The following SNTG1 variants were observed in gnomAD, a reference collection of about 807,000 sequenced individuals.
The protein encoded by SNTG1 is syntrophin gamma 1.
A neutral mutation model predicts 74.7 loss-of-function variants in SNTG1; 39 were observed. The observed-to-expected ratio is 0.52, with a 90% confidence interval of 0.40 to 0.68. The LOEUF (loss-of-function observed/expected upper bound fraction) is 0.68, where lower values mean the gene tolerates loss of function less well. Ranked by LOEUF, SNTG1 falls within the 30% of genes least tolerant of loss-of-function variation. SNTG1 has a pLI of 0.00. For synonymous variants in SNTG1, 254 were observed against 217.1 expected (o/e 1.17, Z -1.49); for missense variants, 685 against 609.5 (o/e 1.12, Z -1.30).
intron 15 of SNTG1, among the ~76,000 whole-genome samples, chr8:50,678,689 T>C (rs888388848): frequency 6.6e-6 from 1 of 152,162 alleles, no homozygotes; most frequent in African/African-American, 2.4e-5. Context: ...ATATTTCCTA[T>C]TAACTCATAT....
At chr8:50,219,749 CA>C (rs978929824) in intron 2 of SNTG1, among the ~76,000 whole-genome samples, 6 of 152,192 alleles carry the variant, frequency 3.9e-5, no homozygotes, top group African/African-American at 1.4e-4. Flanking sequence ...CATCCTCCAA[CA>C]TTGGGGGTTG....
chr8:50,256,625 C>T (rs956828057), intron 2 of SNTG1, among the ~76,000 whole-genome samples: 45 of 151,984 alleles, frequency 3.0e-4, no homozygotes, highest in African/African-American at 1.0e-3. Context: ...TTATATTTAA[C>T]ATGTTTAATA....
chr8:50,530,355 C>A (rs2094256885), intron 10 of SNTG1, 96 bp downstream of exon 10: 2 of 1,142,962 alleles, frequency 1.7e-6, no homozygotes, highest in Admixed American at 4.1e-5. Context: ...GATAGGAAAT[C>A]CCTGGTTGCA....
intron 1 of SNTG1, among the ~76,000 whole-genome samples, chr8:49,991,394 A>G (rs1414615042): frequency 6.6e-6 from 1 of 152,214 alleles, no homozygotes; most frequent in Non-Finnish European, 1.5e-5. Flanking sequence ...CGTTCATTAA[A>G]GTGTTAAACT....
intron 18 of SNTG1, among the ~76,000 whole-genome samples, chr8:50,763,692 G>A (rs1585734495): frequency 1.5e-5 from 2 of 133,226 alleles, no homozygotes; most frequent in South Asian, 4.9e-4. Context: ...GTGTGTGTGT[G>A]GTTTTAAGAG....
intron 8 of SNTG1, among the ~76,000 whole-genome samples, chr8:50,480,664 A>T (rs918730934): frequency 6.6e-6 from 1 of 152,224 alleles, no homozygotes; most frequent in African/African-American, 2.4e-5. Context: ...TTTCTTTCAC[A>T]GTGACCCAAT....
intron 2 of SNTG1, among the ~76,000 whole-genome samples, chr8:50,344,744 G>A (rs1020381722): frequency 6.6e-6 from 1 of 152,130 alleles, no homozygotes; most frequent in African/African-American, 2.4e-5. Flanking sequence ...TGGAATTCTT[G>A]AGTACTGCCC....
At chr8:50,432,195 A>G (rs2093244954) in intron 4 of SNTG1, among the ~76,000 whole-genome samples, 1 of 152,182 alleles carries the variant, frequency 6.6e-6, no homozygotes, top group Non-Finnish European at 1.5e-5. Flanking sequence ...AATTTTTGTG[A>G]AGAGCATAGT....
intron 9 of SNTG1, among the ~76,000 whole-genome samples, chr8:50,510,396 C>T (rs984253868): frequency 6.6e-6 from 1 of 152,102 alleles, no homozygotes; most frequent in Non-Finnish European, 1.5e-5. Context: ...CGTGTCTCTG[C>T]CAGCCTTTGT....
At chr8:50,473,909 G>A (rs1587739889) in intron 8 of SNTG1, among the ~76,000 whole-genome samples, 1 of 152,054 alleles carries the variant, frequency 6.6e-6, no homozygotes, top group Non-Finnish European at 1.5e-5. Flanking sequence ...TCCAGAGCCT[G>A]GGGGAAGAAG....
intron 1 of SNTG1, among the ~76,000 whole-genome samples, chr8:50,111,577 C>A (rs1386931855): frequency 6.6e-6 from 1 of 152,126 alleles, no homozygotes; most frequent in Non-Finnish European, 1.5e-5. Flanking sequence ...AAATAAGTTT[C>A]TGTTGTTTAA....
chr8:49,982,871 A>G (rs1343435976), intron 1 of SNTG1, among the ~76,000 whole-genome samples: 1 of 152,222 alleles, frequency 6.6e-6, no homozygotes, highest in Admixed American at 6.5e-5. Flanking sequence ...TTAGTATTAA[A>G]TTGTGAGAGA....
intron 12 of SNTG1, among the ~76,000 whole-genome samples, chr8:50,578,730 G>A (rs564331030): frequency 2.6e-5 from 4 of 152,182 alleles, no homozygotes; most frequent in Admixed American, 1.3e-4. Context: ...CCTTGCTGCC[G>A]CCACGTAAAG....
chr8:50,567,078 G>T (rs928546940), intron 12 of SNTG1, among the ~76,000 whole-genome samples: 5 of 151,976 alleles, frequency 3.3e-5, no homozygotes, highest in South Asian at 2.1e-4. Context: ...TAGTCTTTGG[G>T]ATTCTCAAGA....
At chr8:50,139,471 A>C (rs925313049) in intron 1 of SNTG1, among the ~76,000 whole-genome samples, 5 of 152,224 alleles carry the variant, frequency 3.3e-5, no homozygotes, top group African/African-American at 1.2e-4. Flanking sequence ...TGCAATATGT[A>C]AGACGGTGTC....
At chr8:50,666,010 T>C (rs564456511) in intron 15 of SNTG1, among the ~76,000 whole-genome samples, 1 of 152,260 alleles carries the variant, frequency 6.6e-6, no homozygotes, top group African/African-American at 2.4e-5. Context: ...ATTATGCATG[T>C]CTGATAGGGA....
chr8:50,335,403 G>A (rs2091107979), intron 2 of SNTG1, among the ~76,000 whole-genome samples: 1 of 152,132 alleles, frequency 6.6e-6, no homozygotes, highest in Admixed American at 6.5e-5. Flanking sequence ...AGGCTCCGGA[G>A]AAATATCTGC....
At chr8:50,790,893 T>C (rs2095689000) in intron 18 of SNTG1, among the ~76,000 whole-genome samples, 1 of 151,954 alleles carries the variant, frequency 6.6e-6, no homozygotes, top group East Asian at 1.9e-4. Flanking sequence ...ATAACCTCTA[T>C]TTTAATAAAG....
chr8:49,964,883 C>T (rs1421103721), intron 1 of SNTG1, among the ~76,000 whole-genome samples: 5 of 151,972 alleles, frequency 3.3e-5, no homozygotes, highest in African/African-American at 1.2e-4. Context: ...TTCATTTTTT[C>T]TATAATTGAT....
Sources: allele counts gnomAD v4.1 joint callset (sites outside exome capture counted in the v4.1 genomes callset), GRCh38; gene constraint gnomAD v4.1.1; transcripts MANE v1.5; gene names NCBI Gene and HGNC (gene_info 2026-07-23, HGNC 2026-07-21).